ARHGEF11: variants seen among roughly 807,000 people sequenced by gnomAD.
ARHGEF11 encodes Rho guanine nucleotide exchange factor 11.
Under a neutral mutation model 193.7 loss-of-function variants are expected in ARHGEF11, and 55 were observed. The observed-to-expected ratio is 0.28, with a 90% CI of 0.23 to 0.36. The LOEUF is 0.36. Among genes scored for constraint, ARHGEF11 ranks in the 10% least tolerant of loss-of-function variants. The probability of loss-of-function intolerance (pLI) is 1.00; values close to 1 mark genes in which losing one functional copy is unlikely to be tolerated. For missense variants in ARHGEF11, 1,723 were observed against 2,005.6 expected (o/e 0.86, Z 2.69); for synonymous variants, 693 against 768.0 (o/e 0.90, Z 1.62).
intron 30 of ARHGEF11, 67 bp downstream of exon 30, chr1:156,944,952 C>T: frequency 6.4e-7 from 1 of 1,560,212 alleles, no homozygotes; most frequent in South Asian, 1.2e-5. Flanking sequence ...AAGCCCTGAC[C>T]AGTGTTCTGC....
chr1:156,938,435 C>T lies in ARHGEF11; in HGVS notation c.4175G>A (p.Gly1392Asp), dbSNP rs1212334058. 6.2e-7 allele frequency: 1 copy of T among 1,613,802 alleles called. No homozygotes were observed. Among genetic ancestry groups the T allele is most frequent in the Admixed American group, 1.7e-5 (1 of 60,012 alleles). ...GTTATTACCCGTAGCCTTTGTTCCGCCTTCCACTTCAGGTGGCCCAGGCTC... is the reference window on the plus strand; with the variant it reads ...GTTATTACCCGTAGCCTTTGTTCCGTCTTCCACTTCAGGTGGCCCAGGCTC... ...QSEPGPPEVE[G>D]GTKATGNCFY... Residue 1392 changes from glycine (G) to aspartate (D), a missense_variant, in exon 38 of 41, where the codon GGC becomes GAC. Gly to Asp is a moderately conservative substitution (Grantham distance 94). Coordinates refer to ENST00000368194, the MANE Select transcript of ARHGEF11 (RefSeq NM_198236.3).
At chr1:157,026,096 G>A (rs1185482521) in intron 1 of ARHGEF11, among the ~76,000 whole-genome samples, 1 of 152,194 alleles carries the variant, frequency 6.6e-6, no homozygotes, top group East Asian at 1.9e-4. Flanking sequence ...AATTCTCAGT[G>A]AAGAGTCCCT....
chr1:156,992,269 A>G (rs1665847162), intron 1 of ARHGEF11, among the ~76,000 whole-genome samples: 1 of 152,130 alleles, frequency 6.6e-6, no homozygotes, highest in Admixed American at 6.5e-5. Flanking sequence ...TTTTTCACTT[A>G]CAATATCTGT....
chr1:156,940,103 C>T (rs1022863610), intron 36 of ARHGEF11, 104 bp downstream of exon 36: 13 of 1,427,816 alleles, frequency 9.1e-6, no homozygotes, highest in African/African-American at 1.4e-5. Flanking sequence ...CTCAAGCACA[C>T]CAGGAAGAGC....
At chr1:156,956,628 C>A in intron 18 of ARHGEF11, 64 bp from the exon 19 acceptor site, 1 of 1,600,816 alleles carries the variant, frequency 6.2e-7, no homozygotes, top group South Asian at 1.1e-5. Context: ...GCCAAACAAT[C>A]TCTTCACCAC....
rs540535129 is a variant in ARHGEF11 at position 156,965,793 on chromosome 1, T to TA, written c.963+2193dup. Among the ~76,000 whole-genome samples the TA allele has an allele frequency of 3.3e-3, 498 of 152,304 alleles. 1 individual carries two copies. The highest frequency in any genetic ancestry group is 0.01 in the Middle Eastern group (3 of 294). On this transcript the variant is annotated intron_variant, in intron 11 of 40. Coordinates refer to ENST00000368194, the MANE Select transcript of ARHGEF11 (RefSeq NM_198236.3). ...TGATGCCTGCATAACTCTAGATTTA[T>TA]AAAAAAGTATGTTCACTTAGGCCAT...
chr1:157,036,978 C>T (rs1475516512), intron 1 of ARHGEF11, among the ~76,000 whole-genome samples: 2 of 151,812 alleles, frequency 1.3e-5, no homozygotes. Context: ...AATATAAAAA[C>T]TTAGCCAGGC....
In ARHGEF11 at chr1:157,044,597, G is replaced by A; in HGVS notation, c.-267C>T. 1 of 483,578 alleles carries A rather than the reference G, an allele frequency of 2.1e-6. No individual in the cohort carries two copies. The highest frequency in any genetic ancestry group is 3.5e-5 in the Admixed American group (1 of 28,358). 30.0% of individuals were successfully genotyped at this position (483,578 alleles called of 1,614,324 possible). On this transcript the variant is annotated 5_prime_UTR_variant, in exon 1 of 41. Coordinates refer to ENST00000368194, the MANE Select transcript of ARHGEF11 (RefSeq NM_198236.3). ...AAAAAAGAAAAAAAAAGGAAAAGAG[G>A]AAAAACTACGACCTTCTCAGAAACC...
intron 36 of ARHGEF11, 78 bp downstream of exon 36, chr1:156,940,129 G>A (rs1205337069): frequency 6.8e-7 from 1 of 1,471,846 alleles, no homozygotes; most frequent in East Asian, 2.3e-5. Context: ...GGAAGGTGGA[G>A]GGTGCAGGCG....
At chr1:156,938,090 G>A (rs1655898313) in intron 38 of ARHGEF11, among the ~76,000 whole-genome samples, 1 of 152,210 alleles carries the variant, frequency 6.6e-6, no homozygotes, top group South Asian at 2.1e-4. Context: ...GCTGAGGTGG[G>A]GAAGTGGCTG....
intron 7 of ARHGEF11, among the ~76,000 whole-genome samples, chr1:156,972,413 G>T (rs1306984106): frequency 6.6e-5 from 10 of 152,194 alleles, no homozygotes; most frequent in Non-Finnish European, 1.3e-4. Context: ...CATCCTCATT[G>T]ATAAAATGGA....
chr1:156,991,525 G>T (rs942313019), intron 1 of ARHGEF11, among the ~76,000 whole-genome samples: 41 of 151,960 alleles, frequency 2.7e-4, no homozygotes, highest in Admixed American at 5.2e-4. Context: ...TTGCCATGTT[G>T]CCCAGGCTGG....
intron 32 of ARHGEF11, 110 bp downstream of exon 32, chr1:156,943,825 C>T (rs1054964835): frequency 4.3e-5 from 58 of 1,338,736 alleles, no homozygotes; most frequent in Middle Eastern, 2.6e-4. Flanking sequence ...GAAAGGAACA[C>T]AGGTGGACAG....
chr1:157,033,421 C>T (rs1301761923), intron 1 of ARHGEF11, among the ~76,000 whole-genome samples: 5 of 152,136 alleles, frequency 3.3e-5, no homozygotes, highest in Non-Finnish European at 5.9e-5. Flanking sequence ...GCAGAGACCA[C>T]ATTCATCTCT....
At chr1:157,022,827 G>C (rs1222777214) in intron 1 of ARHGEF11, among the ~76,000 whole-genome samples, 6 of 152,316 alleles carry the variant, frequency 3.9e-5, no homozygotes, top group South Asian at 4.1e-4. Flanking sequence ...GAATGGAACT[G>C]AGAAACCAGA....
chr1:156,942,518 G>A (rs1657235874), intron 33 of ARHGEF11, among the ~76,000 whole-genome samples, 172 bp downstream of exon 33: 1 of 152,224 alleles, frequency 6.6e-6, no homozygotes, highest in Non-Finnish European at 1.5e-5. Context: ...GGTCGGGGGT[G>A]ATGACCCCTC....
At chr1:156,945,291 G>T (rs1224518007) in intron 29 of ARHGEF11, 94 bp from the exon 30 acceptor site, 5 of 1,434,234 alleles carry the variant, frequency 3.5e-6, no homozygotes, top group East Asian at 2.3e-5. Flanking sequence ...ATGGCAGCTG[G>T]CTTGCTTCAA....
intron 1 of ARHGEF11, among the ~76,000 whole-genome samples, chr1:157,023,055 A>T (rs929016545): frequency 6.6e-6 from 1 of 152,254 alleles, no homozygotes; most frequent in Non-Finnish European, 1.5e-5. Flanking sequence ...TAGAAGAAAC[A>T]TGAGAGTAAA....
At chr1:156,971,606 C>T in intron 8 of ARHGEF11, 91 bp downstream of exon 8, 1 of 1,499,272 alleles carries the variant, frequency 6.7e-7, no homozygotes, top group Non-Finnish European at 9.0e-7. Flanking sequence ...CCTGGCATAA[C>T]CCAAGAAGCC....
Sources: allele counts gnomAD v4.1 joint callset (sites outside exome capture counted in the v4.1 genomes callset), GRCh38; gene constraint gnomAD v4.1.1; transcripts MANE v1.5; gene names NCBI Gene and HGNC (gene_info 2026-07-23, HGNC 2026-07-21).